The following MARCHF1 variants were observed in gnomAD, a reference collection of about 807,000 sequenced individuals.
MARCHF1 encodes the protein E3 ubiquitin-protein ligase MARCHF1.
In MARCHF1, 40 loss-of-function variants were observed where a neutral mutation model predicts 54.2. That is an observed-to-expected ratio of 0.74 (90% CI 0.57 to 0.96). MARCHF1 has a LOEUF of 0.96. Among genes scored for constraint, MARCHF1 ranks in the 40% least tolerant of loss-of-function variants. The pLI is 0.00. For missense variants in MARCHF1, 586 were observed against 656.5 expected, an observed-to-expected ratio of 0.89 and a Z score of 1.17; for synonymous variants, 236 against 236.3, an observed-to-expected ratio of 1.00 and a Z score of 0.01.
intron 4 of MARCHF1, among the ~76,000 whole-genome samples, chr4:163,777,450 T>G (rs1747337900): frequency 6.6e-6 from 1 of 152,158 alleles, no homozygotes; most frequent in African/African-American, 2.4e-5. Flanking sequence ...GCTTCAGGAC[T>G]TCTATTATAA....
intron 1 of MARCHF1, among the ~76,000 whole-genome samples, chr4:164,351,490 C>A (rs1031982239): frequency 2.0e-5 from 3 of 151,786 alleles, no homozygotes; most frequent in Non-Finnish European, 2.9e-5. Flanking sequence ...AGGCACCCCC[C>A]AGCAGGGGCA....
intron 1 of MARCHF1, among the ~76,000 whole-genome samples, chr4:164,192,153 C>T (rs1731140604): frequency 6.6e-6 from 1 of 152,022 alleles, no homozygotes; most frequent in African/African-American, 2.4e-5. Context: ...AACAGAATTT[C>T]TATAAAGATT....
intron 3 of MARCHF1, among the ~76,000 whole-genome samples, chr4:163,986,249 C>CCTTT (rs1752864138): frequency 1.4e-4 from 4 of 28,832 alleles, no homozygotes; most frequent in African/African-American, 2.0e-4. Flanking sequence ...TTAACCTCTT[C>CCTTT]TTTTTTTTTT....
intron 3 of MARCHF1, among the ~76,000 whole-genome samples, chr4:163,953,683 C>T (rs1230864070): frequency 2.0e-5 from 3 of 152,246 alleles, no homozygotes; most frequent in Admixed American, 1.3e-4. Context: ...AGTCCAAATC[C>T]ATCCTACATA....
At chr4:163,567,051 G>T (rs1739667466) in intron 8 of MARCHF1, among the ~76,000 whole-genome samples, 1 of 152,066 alleles carries the variant, frequency 6.6e-6, no homozygotes, top group South Asian at 2.1e-4. Context: ...ATCTTGATGG[G>T]TGCAGCAAAT....
At chr4:164,073,323 A>C (rs1754908938) in intron 2 of MARCHF1, among the ~76,000 whole-genome samples, 1 of 152,238 alleles carries the variant, frequency 6.6e-6, no homozygotes, top group South Asian at 2.1e-4. Context: ...GCCATAAAAA[A>C]GAATGATTTC....
chr4:163,889,854 T>A (rs9996931), intron 3 of MARCHF1, among the ~76,000 whole-genome samples: 138,658 of 146,994 alleles, frequency 0.94, 65,740 homozygotes, highest in South Asian at 0.99. Context: ...ACCTGCAGAT[T>A]AAAAAAAAAA....
At chr4:164,007,630 T>TTC (rs373682455) in intron 2 of MARCHF1, among the ~76,000 whole-genome samples, 10,232 of 138,996 alleles carry the variant, frequency 0.074, 519 homozygotes, top group East Asian at 0.28. Context: ...TAGAATTTAT[T>TTC]TCTCTCTCTC....
chr4:163,545,981 GTGTA>G (rs956116874), intron 8 of MARCHF1, among the ~76,000 whole-genome samples: 3 of 134,618 alleles, frequency 2.2e-5, no homozygotes, highest in Non-Finnish European at 4.9e-5. Context: ...GTGTGTGTGT[GTGTA>G]TTTTTTTGAG....
chr4:163,987,576 A>C (rs920093708), intron 3 of MARCHF1, among the ~76,000 whole-genome samples: 5 of 152,164 alleles, frequency 3.3e-5, no homozygotes, highest in Admixed American at 1.3e-4. Flanking sequence ...AGGGAAAAAA[A>C]AGGTTAACAT....
chr4:163,801,949 C>T (rs564493082), intron 4 of MARCHF1, among the ~76,000 whole-genome samples: 1 of 151,860 alleles, frequency 6.6e-6, no homozygotes, highest in East Asian at 1.9e-4. Flanking sequence ...TTAAAATTTC[C>T]GTTGTTTTGG....
chr4:164,229,861 G>A lies in MARCHF1; in HGVS notation c.-322-118199C>T, dbSNP rs1732369064. On this transcript the variant is annotated intron_variant, in intron 1 of 9. Transcript: ENST00000514618. ...TCACTCTTGGGAGAACAGCACCAAG[G>A]TGATGATGCTAAACCATTCATAAGA... is the stretch of plus-strand genomic sequence containing the variant. Among the ~76,000 whole-genome samples the A allele has an allele frequency of 2.0e-5, 3 of 152,228 alleles. No individual in the cohort carries two copies. The South Asian group carries it at 6.2e-4, about 32-fold the overall frequency.
At position 163,709,542 on chromosome 4, in the gene MARCHF1, T is replaced by C. The variant is rs550075494; in HGVS notation, c.112-8679A>G. Among the ~76,000 whole-genome samples, 6 of 152,342 alleles carry C rather than the reference T, an allele frequency of 3.9e-5. No homozygotes were observed. The South Asian group carries it at 1.2e-3, about 32-fold the overall frequency. On this transcript the variant is annotated intron_variant, in intron 4 of 9. Coordinates refer to ENST00000514618, the MANE Select transcript of MARCHF1 (RefSeq NM_001394959.1). ...AAAATTGGCCTTACTCAACAGAGTG[T>C]ATATCATAAAGGTATATCTATGTGT...
At chr4:164,088,235 A>G (rs1755229878) in intron 2 of MARCHF1, among the ~76,000 whole-genome samples, 1 of 152,226 alleles carries the variant, frequency 6.6e-6, no homozygotes, top group Non-Finnish European at 1.5e-5. Context: ...TCACAAACAC[A>G]GAGGTATTAC....
chr4:164,349,409 T>C (rs1331076902), intron 1 of MARCHF1, among the ~76,000 whole-genome samples: 1 of 152,168 alleles, frequency 6.6e-6, no homozygotes, highest in Non-Finnish European at 1.5e-5. Flanking sequence ...CATCATCTAC[T>C]CAACATCTTT....
chr4:164,112,694 A>G (rs1006039724), intron 1 of MARCHF1, among the ~76,000 whole-genome samples: 1 of 151,966 alleles, frequency 6.6e-6, no homozygotes, highest in Non-Finnish European at 1.5e-5. Context: ...ACACATTGTA[A>G]CCACATAAGG....
intron 4 of MARCHF1, among the ~76,000 whole-genome samples, chr4:163,762,382 C>T (rs960721603): frequency 6.6e-6 from 1 of 151,910 alleles, no homozygotes; most frequent in Non-Finnish European, 1.5e-5. Context: ...TATACAGAAA[C>T]AAGAGAAAAA....
intron 3 of MARCHF1, among the ~76,000 whole-genome samples, chr4:163,925,201 T>C (rs1262855176): frequency 6.6e-6 from 1 of 151,716 alleles, no homozygotes; most frequent in Non-Finnish European, 1.5e-5. Context: ...ACTAGTTATT[T>C]TCAAGAGAGG....
intron 2 of MARCHF1, among the ~76,000 whole-genome samples, chr4:164,081,589 C>T (rs1317709038): frequency 6.6e-6 from 1 of 152,080 alleles, no homozygotes; most frequent in Non-Finnish European, 1.5e-5. Flanking sequence ...CTTCACCTAG[C>T]AGCATGACAC....
Sources: allele counts gnomAD v4.1 joint callset (sites outside exome capture counted in the v4.1 genomes callset), GRCh38; gene constraint gnomAD v4.1.1; transcripts MANE v1.5; gene names NCBI Gene and HGNC (gene_info 2026-07-23, HGNC 2026-07-21).